The following IQCH variants were observed in gnomAD, a reference collection of about 807,000 sequenced individuals.
IQCH encodes the protein IQ domain-containing protein H.
Under a neutral mutation model 117.0 loss-of-function variants are expected in IQCH, and 98 were observed. The ratio of observed to expected loss-of-function variants is 0.84; its 90% confidence interval spans 0.71 to 0.99. The LOEUF (loss-of-function observed/expected upper bound fraction) is 0.99. Ranked by LOEUF, IQCH falls within the 50% of genes least tolerant of loss-of-function variation. IQCH has a pLI of 0.00. For synonymous variants in IQCH, 412 were observed against 448.2 expected (o/e 0.92, Z 1.02); for missense variants, 1,102 against 1,243.8 (o/e 0.89, Z 1.72).
chr15:67,346,824 T>C (rs1488646066), intron 6 of IQCH, among the ~76,000 whole-genome samples: 2 of 152,076 alleles, frequency 1.3e-5, no homozygotes, highest in South Asian at 4.1e-4. Context: ...TATTAACCAA[T>C]TTAAAATAGT....
intron 1 of IQCH, 109 bp downstream of exon 1, chr15:67,255,056 A>C (rs1212954552): frequency 9.5e-7 from 1 of 1,049,944 alleles, no homozygotes; most frequent in African/African-American, 1.6e-5. Flanking sequence ...CCGCCCCTAG[A>C]CTCCCTCCAA....
intron 3 of IQCH, among the ~76,000 whole-genome samples, chr15:67,273,324 C>T (rs974525667): frequency 6.6e-6 from 1 of 152,160 alleles, no homozygotes; most frequent in African/African-American, 2.4e-5. Context: ...CCTGCCTCAG[C>T]CTCCCAAAGT....
In IQCH at chr15:67,266,574, G is replaced by A. The variant is rs553493258; in HGVS notation, c.269+3358G>A. ...CAGGAGGCTGAGGCAGGAGAATGGC[G>A]TGAACCCGGGAGGCAGAGCTTGCAG... On this transcript the variant is annotated intron_variant, in intron 3 of 20. Transcript: ENST00000335894. 2.8e-4 allele frequency among the ~76,000 whole-genome samples: 42 copies of A among 152,178 alleles called. No homozygotes were observed. The East Asian group carries it at 6.4e-3, about 23-fold the overall frequency.
chr15:67,348,468 A>G (rs531301382), intron 6 of IQCH, among the ~76,000 whole-genome samples: 7 of 152,302 alleles, frequency 4.6e-5, no homozygotes, highest in South Asian at 2.1e-4. Flanking sequence ...TTGAATTTCA[A>G]TTTGTTAGAA....
At chr15:67,314,051 G>A (rs1230254372) in intron 4 of IQCH, among the ~76,000 whole-genome samples, 1 of 152,068 alleles carries the variant, frequency 6.6e-6, no homozygotes, top group Admixed American at 6.6e-5. Context: ...ACTCAGAACT[G>A]GCCAATCTAA....
At position 67,400,204 on chromosome 15, in the gene IQCH, A is replaced by G. The variant is rs1196286788; in HGVS notation, c.1996A>G (p.Thr666Ala). 1 of 1,613,550 alleles carries G rather than the reference A, an allele frequency of 6.2e-7. No homozygotes were observed. Among genetic ancestry groups the G allele is most frequent in the Non-Finnish European group, 8.5e-7 (1 of 1,179,582 alleles). Residue 666 changes from threonine (T) to alanine (A), a missense_variant, in exon 14 of 21, where the codon ACT becomes GCT. Coordinates refer to ENST00000335894, the MANE Select transcript of IQCH (RefSeq NM_001031715.3). ...KMDSEFRGNG[T>A]AFCDIPSYLK... ...GGACTCTGAGTTCCGAGGAAATGGG[A>G]CTGCATTTTGTGATATTCCTTCCTA... is the stretch of plus-strand genomic sequence containing the variant.
intron 1 of IQCH, among the ~76,000 whole-genome samples, chr15:67,258,313 T>C (rs1447102360): frequency 2.0e-5 from 3 of 151,742 alleles, no homozygotes; most frequent in Admixed American, 2.0e-4. Context: ...GAGAATCACC[T>C]GAGGTCAGAA....
chr15:67,453,100 A>C lies in IQCH; in HGVS notation c.2506-12027A>C, dbSNP rs570677903. Among the ~76,000 whole-genome samples the C allele has an allele frequency of 2.0e-3, 306 of 151,988 alleles. No homozygotes were observed. Among genetic ancestry groups the C allele is most frequent in the African/African-American group, 7.1e-3 (293 of 41,430 alleles). ...TCAGGTCCTTTAAGGACTTCTCTGC[A>C]TTGGTTATTCTAGTTATCCATTCGT... On this transcript the variant is annotated intron_variant, in intron 16 of 20. Coordinates refer to ENST00000335894, the MANE Select transcript of IQCH (RefSeq NM_001031715.3). The surrounding 1 kb of genome is among the most constrained non-coding windows in gnomAD (Gnocchi z 5.8).
Position 67,481,046 on chromosome 15 carries a change from CATTT to C in IQCH, c.2799+5234_2799+5237del. ...ATGAGACTTTTAAAAATTGAAGAGG[CATTT>C]ATTTACACAACCAAAGCCAATTAAA... On this transcript the variant is annotated intron_variant, in intron 18 of 20. Transcript: ENST00000335894. The surrounding 1 kb of genome is among the most constrained non-coding windows in gnomAD (Gnocchi z 4.1). Among the ~76,000 whole-genome samples the C allele has an allele frequency of 6.6e-6, 1 of 152,182 alleles. No homozygotes were observed. The highest frequency in any genetic ancestry group is 1.9e-4 in the East Asian group (1 of 5,180).
Position 67,411,197 on chromosome 15 carries a change from G to A in IQCH, c.2098-5734G>A, listed in dbSNP as rs562385372. On this transcript the variant is annotated intron_variant, in intron 14 of 20. Transcript: ENST00000335894. This position sits in a 1 kb window ranked among gnomAD's most constrained non-coding sequence, Gnocchi z 4.4. ...TCCCTTCTCTCAATCTGTACCACTAGCTGATTCAAATCCGGAGCACCTTTC... is the reference window on the plus strand; with the variant it reads ...TCCCTTCTCTCAATCTGTACCACTAACTGATTCAAATCCGGAGCACCTTTC... 6.9e-4 allele frequency among the ~76,000 whole-genome samples: 105 copies of A among 152,218 alleles called. 1 individual carries two copies. The highest frequency in any genetic ancestry group is 2.4e-3 in the African/African-American group (99 of 41,548).
At chr15:67,324,609 T>TA (rs35173773) in intron 4 of IQCH, among the ~76,000 whole-genome samples, 78,793 of 118,920 alleles carry the variant, frequency 0.66, 26,156 homozygotes, top group Middle Eastern at 0.74. Context: ...AGACTCTGTC[T>TA]AAAAAAAAAA....
chr15:67,279,304 A>G, intron 3 of IQCH, 91 bp from the exon 4 acceptor site: 1 of 682,310 alleles, frequency 1.5e-6, no homozygotes, highest in South Asian at 1.7e-5. Context: ...ATAAAATATA[A>G]GCTTAATTAG....
In IQCH at chr15:67,463,184, G is replaced by C. The variant is rs186950692; in HGVS notation, c.2506-1943G>C. ...ATTTTAACACACAGAGTTGGTGAGC[G>C]GGGTAAATACAGGCCTTCTAGGAGG... On this transcript the variant is annotated intron_variant, in intron 16 of 20. Transcript: ENST00000335894. This position sits in a 1 kb window ranked among gnomAD's most constrained non-coding sequence, Gnocchi z 4.0. Among the ~76,000 whole-genome samples the C allele has an allele frequency of 2.6e-5, 4 of 152,136 alleles. No individual in the cohort carries two copies. Among genetic ancestry groups the C allele is most frequent in the Non-Finnish European group, 5.9e-5 (4 of 68,038 alleles).
Position 67,404,533 on chromosome 15 carries a change from A to T in IQCH, c.2097+4228A>T, listed in dbSNP as rs543713356. 3 of 152,324 alleles carry T rather than the reference A, an allele frequency of 2.0e-5. No individual in the cohort carries two copies. The highest frequency in any genetic ancestry group is 6.5e-5 in the Admixed American group (1 of 15,294). The allele number at this position is 152,324 out of a possible 1,614,324, so 9.4% of individuals were successfully genotyped here. A position where few individuals can be genotyped will look rare whatever the true frequency, so the allele number is the denominator to read the frequency against. On this transcript the variant is annotated intron_variant, in intron 14 of 20. Coordinates refer to ENST00000335894, the MANE Select transcript of IQCH (RefSeq NM_001031715.3). This position sits in a 1 kb window ranked among gnomAD's most constrained non-coding sequence, Gnocchi z 4.6. ...AAGATAACAAGATTAAAAAAAATTTAAAAGTACATAATCACTGTCCCCAAA... is the reference window on the plus strand; with the variant it reads ...AAGATAACAAGATTAAAAAAAATTTTAAAGTACATAATCACTGTCCCCAAA...
At chr15:67,380,944 C>A (rs1430325092) in intron 10 of IQCH, among the ~76,000 whole-genome samples, 1 of 152,228 alleles carries the variant, frequency 6.6e-6, no homozygotes, top group Non-Finnish European at 1.5e-5. Flanking sequence ...TTAACCTCTT[C>A]TCTGCCTTGA....
chr15:67,383,760 T>C (rs1318174845), intron 10 of IQCH, among the ~76,000 whole-genome samples: 2 of 152,198 alleles, frequency 1.3e-5, no homozygotes, highest in African/African-American at 4.8e-5. Flanking sequence ...ATTAGTAATT[T>C]TTCAAAAATG....
At chr15:67,327,870 CA>C (rs1968482579) in intron 4 of IQCH, among the ~76,000 whole-genome samples, 1 of 152,136 alleles carries the variant, frequency 6.6e-6, no homozygotes, top group Non-Finnish European at 1.5e-5. Context: ...GTCCTTCTTG[CA>C]ATTTCCTCAT....
chr15:67,484,339 G>A (rs2083415960), intron 18 of IQCH, among the ~76,000 whole-genome samples: 2 of 151,876 alleles, frequency 1.3e-5, no homozygotes, highest in African/African-American at 2.4e-5. Context: ...CTGGGAAGTC[G>A]AGGCTACAGT....
At chr15:67,322,653 C>A (rs886338837) in intron 4 of IQCH, among the ~76,000 whole-genome samples, 5 of 152,154 alleles carry the variant, frequency 3.3e-5, no homozygotes, top group African/African-American at 1.2e-4. Flanking sequence ...CAGCTTTTGC[C>A]TGTGTTCAGT....
Sources: allele counts gnomAD v4.1 joint callset (sites outside exome capture counted in the v4.1 genomes callset), GRCh38; gene constraint gnomAD v4.1.1; non-coding constraint Gnocchi (gnomAD v3.1); transcripts MANE v1.5; gene names NCBI Gene and HGNC (gene_info 2026-07-23, HGNC 2026-07-21).